The following EML4 variants were observed in gnomAD, a reference collection of about 807,000 sequenced individuals.
The protein encoded by EML4 is echinoderm microtubule-associated protein-like 4.
In EML4, 72 loss-of-function variants were observed where a neutral mutation model predicts 129.0. That is an observed-to-expected ratio of 0.56 (90% confidence interval 0.46 to 0.68). The LOEUF is 0.68. Ranked by LOEUF, EML4 falls within the 30% of genes least tolerant of loss-of-function variation. The pLI, the probability that EML4 is intolerant of heterozygous loss-of-function variation, is 0.00. For missense variants in EML4, 1,363 were observed against 1,190.6 expected, an observed-to-expected ratio of 1.14 and a Z score of -2.13; for synonymous variants, 532 against 405.0, an observed-to-expected ratio of 1.31 and a Z score of -3.77.
intron 17 of EML4, among the ~76,000 whole-genome samples, chr2:42,315,631 T>C (rs887098995): frequency 6.6e-6 from 1 of 152,214 alleles, no homozygotes; most frequent in Admixed American, 6.5e-5. Flanking sequence ...CTCATTACTT[T>C]GGGAGGCTGA....
Position 42,330,267 on chromosome 2 carries a change from A to G in EML4, c.*60A>G, listed in dbSNP as rs1325315441. The G allele has an allele frequency of 5.4e-6, 8 of 1,483,942 alleles. No homozygotes were observed. The highest frequency in any genetic ancestry group is 7.5e-6 in the Non-Finnish European group (8 of 1,068,034). The allele number at this position is 1,483,942 out of a possible 1,614,324, so 91.9% of individuals were successfully genotyped here. ...TGCATGTGATTTTGTGATAAAGTTCAGGTAACAGGATGGGCAGTGATGGAG... is the reference window on the plus strand; with the variant it reads ...TGCATGTGATTTTGTGATAAAGTTCGGGTAACAGGATGGGCAGTGATGGAG... On this transcript the variant is annotated 3_prime_UTR_variant, in exon 23 of 23. Coordinates refer to ENST00000318522, the MANE Select transcript of EML4 (RefSeq NM_019063.5).
At chr2:42,191,710 G>T (rs899307336) in intron 1 of EML4, among the ~76,000 whole-genome samples, 3 of 152,160 alleles carry the variant, frequency 2.0e-5, no homozygotes, top group African/African-American at 4.8e-5. Context: ...ATTATGCTCA[G>T]TTCTCTTTGC....
chr2:42,297,199 T>C (rs1017917473), intron 13 of EML4, among the ~76,000 whole-genome samples: 1 of 152,202 alleles, frequency 6.6e-6, no homozygotes, highest in Non-Finnish European at 1.5e-5. Flanking sequence ...TCAACTACTT[T>C]TCCCATTTAT....
At chr2:42,179,855 C>T (rs1191135563) in intron 1 of EML4, among the ~76,000 whole-genome samples, 4 of 152,160 alleles carry the variant, frequency 2.6e-5, no homozygotes, top group Admixed American at 6.5e-5. Flanking sequence ...ACCCACCTAG[C>T]CTCCCAAAGT....
At chr2:42,293,131 T>G (rs1667746759) in intron 11 of EML4, among the ~76,000 whole-genome samples, 1 of 151,892 alleles carries the variant, frequency 6.6e-6, no homozygotes, top group African/African-American at 2.4e-5. Flanking sequence ...CTTTTTTTGG[T>G]CAGGGTCTCA....
chr2:42,177,454 C>G (rs904740154), intron 1 of EML4, among the ~76,000 whole-genome samples: 8 of 151,998 alleles, frequency 5.3e-5, no homozygotes, highest in Non-Finnish European at 1.2e-4. Flanking sequence ...GAACCCGTCT[C>G]TACCAAAAGT....
intron 11 of EML4, among the ~76,000 whole-genome samples, chr2:42,293,108 CTTT>C (rs919853054): frequency 6.8e-6 from 1 of 147,210 alleles, no homozygotes; most frequent in African/African-American, 2.5e-5. Context: ...TTATCTTCAA[CTTT>C]TTTTTTTTTC....
At position 42,265,990 on chromosome 2, in the gene EML4, C is replaced by T. The variant is rs180993678; in HGVS notation, c.667+1259C>T. Among the ~76,000 whole-genome samples, 579 of 152,296 alleles carry T rather than the reference C, an allele frequency of 3.8e-3. 3 individuals carry two copies. Among genetic ancestry groups the T allele is most frequent in the Middle Eastern group, 0.014 (4 of 294 alleles). The stretch of plus-strand genomic sequence containing the variant: ...AAGCATGCTGTTCTTAATGAAAGCA[C>T]GTCCTTTCTGTGCATGGTTTTCACA... On this transcript the variant is annotated intron_variant, in intron 6 of 22. Coordinates refer to ENST00000318522, the MANE Select transcript of EML4 (RefSeq NM_019063.5).
chr2:42,276,329 C>A (rs1666654528), intron 6 of EML4, among the ~76,000 whole-genome samples: 1 of 152,240 alleles, frequency 6.6e-6, no homozygotes, highest in African/African-American at 2.4e-5. Flanking sequence ...GGTCCACATT[C>A]TTCATGGAGT....
intron 1 of EML4, among the ~76,000 whole-genome samples, chr2:42,198,516 T>C (rs924849484): frequency 4.6e-5 from 7 of 152,128 alleles, no homozygotes; most frequent in African/African-American, 1.2e-4. Context: ...CCTGGTCTTA[T>C]GGGCAACATA....
chr2:42,188,342 C>T (rs182680694), intron 1 of EML4, among the ~76,000 whole-genome samples: 3 of 152,230 alleles, frequency 2.0e-5, no homozygotes, highest in East Asian at 1.9e-4. Flanking sequence ...CCACTCACCT[C>T]GCGGAGTAGC....
At chr2:42,327,360 T>C (rs557530584) in intron 21 of EML4, among the ~76,000 whole-genome samples, 198 of 152,356 alleles carry the variant, frequency 1.3e-3, no homozygotes, top group Middle Eastern at 3.4e-3. Context: ...GGTATTTACC[T>C]AGGAGTAGAA....
rs1200094606 is a variant in EML4, at chr2:42,329,921, C to T, written c.2660C>T (p.Ser887Phe). ...ADTTLTKAPV[S>F]STESVIQSNT... ...ACTACTCTAACCAAAGCCCCCGTCT[C>T]TTCCACTGAAAGTGTCATCCAATCT... Residue 887 changes from serine to phenylalanine, a missense_variant, in exon 23 of 23, where the codon TCT becomes TTT. Ser to Phe is a radical substitution (Grantham distance 155, BLOSUM62 -2). Transcript: ENST00000318522. 2 of 1,613,994 alleles carry T rather than the reference C, an allele frequency of 1.2e-6. No individual in the cohort carries two copies. Among genetic ancestry groups the T allele is most frequent in the African/African-American group, 1.3e-5 (1 of 74,882 alleles).
chr2:42,272,521 G>A (rs996967955), intron 6 of EML4, among the ~76,000 whole-genome samples: 10 of 152,074 alleles, frequency 6.6e-5, no homozygotes, highest in Non-Finnish European at 1.5e-4. Flanking sequence ...GACCTCGGGT[G>A]ATCTGCCCAC....
At chr2:42,246,384 G>A (rs1280491711) in intron 2 of EML4, among the ~76,000 whole-genome samples, 1 of 152,144 alleles carries the variant, frequency 6.6e-6, no homozygotes, top group Non-Finnish European at 1.5e-5. Flanking sequence ...ATGGGGATAG[G>A]CGTGATTATG....
At position 42,169,439 on chromosome 2, in the gene EML4, C is replaced by A. The variant is rs1163036895; in HGVS notation, c.-173C>A. 5.1e-6 allele frequency: 3 copies of A among 588,720 alleles called. No individual in the cohort carries two copies. The highest frequency in any genetic ancestry group is 3.8e-5 in the Admixed American group (1 of 26,100). The allele number at this position is 588,720 out of a possible 1,614,324, so 36.5% of individuals were successfully genotyped here. ...CAACGTGACGGGGAAGTGGTTCGGG[C>A]GGCCGCGGCTTACTACCCCAGGGCG... is the stretch of plus-strand genomic sequence containing the variant. On this transcript the variant is annotated 5_prime_UTR_variant, in exon 1 of 23. Coordinates refer to ENST00000318522, the MANE Select transcript of EML4 (RefSeq NM_019063.5).
intron 6 of EML4, among the ~76,000 whole-genome samples, chr2:42,274,573 C>CT (rs1666551886): frequency 6.6e-6 from 1 of 152,128 alleles, no homozygotes; most frequent in East Asian, 1.9e-4. Context: ...TTTCCTTTTC[C>CT]TTTGTTACAA....
intron 19 of EML4, among the ~76,000 whole-genome samples, chr2:42,322,653 A>G (rs911417815): frequency 2.0e-5 from 3 of 152,256 alleles, no homozygotes; most frequent in African/African-American, 7.2e-5. Context: ...TGAAAGGGCC[A>G]GCTTAGAATA....
rs540136892 is a variant in EML4, at chr2:42,190,493, G to A, written c.25+20857G>A. ...CTAGTTTTTCAGCTTGATCAACTTG[G>A]TAGTACTATTTAGTGATGTGGGGAA... On this transcript the variant is annotated intron_variant, in intron 1 of 22. Coordinates refer to ENST00000318522, the MANE Select transcript of EML4 (RefSeq NM_019063.5). Among the ~76,000 whole-genome samples, 58 of 152,294 alleles carry A rather than the reference G, an allele frequency of 3.8e-4. No homozygotes were observed. The South Asian group carries it at 7.3e-3, about 19-fold the overall frequency.
Sources: gnomAD v4.1 joint callset for allele counts (sites outside exome capture counted in the v4.1 genomes callset) on GRCh38, gnomAD v4.1.1 for gene constraint, MANE v1.5 for transcripts, NCBI Gene and HGNC (gene_info 2026-07-23, HGNC 2026-07-21) for gene names.